The following RBMS3 variants were observed in gnomAD, a reference collection of about 807,000 sequenced individuals.
RBMS3 encodes RNA-binding motif, single-stranded-interacting protein 3.
A neutral mutation model predicts 66.8 loss-of-function variants in RBMS3; 27 were observed. The observed-to-expected ratio is 0.40, with a 90% confidence interval of 0.30 to 0.56. RBMS3 has a LOEUF of 0.56. RBMS3 is among the 20% of genes least tolerant of loss of function. The probability of loss-of-function intolerance (pLI) is 0.40; values close to 1 mark genes in which losing one functional copy is unlikely to be tolerated. For synonymous variants in RBMS3, 188 were observed against 183.0 expected, an observed-to-expected ratio of 1.03 and a Z score of -0.22; for missense variants, 513 against 549.5, an observed-to-expected ratio of 0.93 and a Z score of 0.66.
Position 29,689,312 on chromosome 3 carries a change from A to G in RBMS3, c.400-50408A>G, listed in dbSNP as rs1395963079. Among the ~76,000 whole-genome samples, 8 of 152,126 alleles carry G rather than the reference A, an allele frequency of 5.3e-5. No individual in the cohort carries two copies. The East Asian group carries it at 1.3e-3, about 26-fold the overall frequency. On this transcript the variant is annotated intron_variant, in intron 4 of 14. Coordinates refer to ENST00000383767, the MANE Select transcript of RBMS3 (RefSeq NM_001003793.3). ...CTACATCTTTTTTCTGTCATTAATT[A>G]TGTGCTCCCCATACCCATAAAGAAT...
intron 4 of RBMS3, chr3:29,731,152 C>A (rs1219998834): frequency 1.1e-5 from 5 of 473,312 alleles, no homozygotes; most frequent in Admixed American, 1.3e-4. Context: ...TGGTTCAACA[C>A]TGGGCATTGT....
At chr3:29,776,183 T>A (rs1180395086) in intron 6 of RBMS3, among the ~76,000 whole-genome samples, 2 of 152,152 alleles carry the variant, frequency 1.3e-5, no homozygotes, top group Non-Finnish European at 2.9e-5. Context: ...GCTTATGATA[T>A]GCTTTCTATG....
In RBMS3 at chr3:29,420,947, G is replaced by GCAAAAAA. The variant is rs777463375; in HGVS notation, c.76-13796_76-13795insCAAAAAA. On this transcript the variant is annotated intron_variant, in intron 1 of 14. Coordinates refer to ENST00000383767, the MANE Select transcript of RBMS3 (RefSeq NM_001003793.3). The stretch of plus-strand genomic sequence containing the variant: ...GTGAAACCCCGTCTCTACTAAAAAT[G>GCAAAAAA]AAAAAAAAAAAAAAAATTAACTGGG... Among the ~76,000 whole-genome samples, 84 of 125,476 alleles carry GCAAAAAA rather than the reference G, an allele frequency of 6.7e-4. 1 individual carries two copies. Among genetic ancestry groups the GCAAAAAA allele is most frequent in the African/African-American group, 2.2e-3 (83 of 37,552 alleles). The allele number at this position is 125,476 out of a possible 152,430, so 82.3% of individuals were successfully genotyped here.
chr3:29,431,521 G>A (rs1337418275), intron 1 of RBMS3, among the ~76,000 whole-genome samples: 1 of 151,784 alleles, frequency 6.6e-6, no homozygotes, highest in Non-Finnish European at 1.5e-5. Context: ...TTGATCTCCC[G>A]ACCTTGTGAT....
intron 8 of RBMS3, among the ~76,000 whole-genome samples, chr3:29,895,924 A>G (rs1449661454): frequency 6.6e-6 from 1 of 151,040 alleles, no homozygotes; most frequent in Non-Finnish European, 1.5e-5. Context: ...ACAACTTTGT[A>G]TTTTCTCTTT....
intron 1 of RBMS3, among the ~76,000 whole-genome samples, chr3:29,329,795 T>A (rs919377424): frequency 2.0e-5 from 3 of 148,840 alleles, no homozygotes; most frequent in Non-Finnish European, 4.5e-5. Context: ...ATGTGAAAAA[T>A]TTTTATAGAT....
rs779035494 is a variant in RBMS3, at chr3:29,488,468, A to G, written c.276A>G (p.Ala92=). Residue 92 remains alanine, a synonymous_variant, in exon 3 of 15, where the codon GCA becomes GCG. Coordinates refer to ENST00000383767, the MANE Select transcript of RBMS3 (RefSeq NM_001003793.3). The part of the protein sequence containing the change: ...QPYGKIVSTK[A]ILDKNTNQCK... ...ATGGAAAAATTGTATCTACAAAGGC[A>G]ATTCTTGACAAAAACACAAATCAGT... 35 of 1,611,860 alleles carry G rather than the reference A, an allele frequency of 2.2e-5. No individual in the cohort carries two copies. Among genetic ancestry groups the G allele is most frequent in the Admixed American group, 1.2e-4 (7 of 59,980 alleles).
intron 1 of RBMS3, among the ~76,000 whole-genome samples, chr3:29,360,473 G>A (rs1312589447): frequency 6.6e-6 from 1 of 151,896 alleles, no homozygotes; most frequent in Admixed American, 6.6e-5. Flanking sequence ...CCAACTATGT[G>A]GTCAATTTTG....
chr3:29,725,396 A>G (rs2053820797), intron 4 of RBMS3, among the ~76,000 whole-genome samples: 1 of 152,228 alleles, frequency 6.6e-6, no homozygotes, highest in African/African-American at 2.4e-5. Flanking sequence ...TAGAGACATG[A>G]AAAATGTTTC....
intron 4 of RBMS3, among the ~76,000 whole-genome samples, chr3:29,677,358 C>T (rs1017341589): frequency 2.6e-5 from 4 of 152,066 alleles, no homozygotes; most frequent in African/African-American, 7.2e-5. Flanking sequence ...AAGCTAGATG[C>T]CTTAATAATT....
At chr3:29,659,216 T>C (rs1188967954) in intron 4 of RBMS3, among the ~76,000 whole-genome samples, 2 of 152,230 alleles carry the variant, frequency 1.3e-5, no homozygotes, top group South Asian at 2.1e-4. Context: ...ATTTTTTATA[T>C]TGGTAAAATA....
intron 7 of RBMS3, 67 bp from the exon 8 acceptor site, chr3:29,884,095 T>C (rs1351596954): frequency 3.0e-6 from 4 of 1,347,148 alleles, no homozygotes; most frequent in Non-Finnish European, 4.2e-6. Context: ...TTGTGTGTAC[T>C]AAATGTTTTG....
chr3:29,573,808 A>G (rs2047019333), intron 3 of RBMS3, among the ~76,000 whole-genome samples: 1 of 152,146 alleles, frequency 6.6e-6, no homozygotes, highest in Non-Finnish European at 1.5e-5. Context: ...TCTTCTTAAC[A>G]TCTTTATTGA....
intron 4 of RBMS3, among the ~76,000 whole-genome samples, chr3:29,703,956 G>C (rs1287745566): frequency 1.3e-5 from 2 of 152,132 alleles, no homozygotes; most frequent in Non-Finnish European, 2.9e-5. Context: ...TCTCATAGGA[G>C]CATGAACCCT....
intron 12 of RBMS3, among the ~76,000 whole-genome samples, chr3:29,980,589 C>G (rs571167400): frequency 6.6e-6 from 1 of 152,166 alleles, no homozygotes; most frequent in East Asian, 1.9e-4. Flanking sequence ...GTCTTTAATC[C>G]ATCTTGAGTT....
chr3:29,507,698 TA>T (rs2044238058), intron 3 of RBMS3, among the ~76,000 whole-genome samples: 1 of 152,092 alleles, frequency 6.6e-6, no homozygotes, highest in Non-Finnish European at 1.5e-5. Flanking sequence ...TATGAGCTAA[TA>T]AATATTTCTG....
intron 4 of RBMS3, among the ~76,000 whole-genome samples, chr3:29,716,339 C>T (rs918731943): frequency 6.6e-6 from 1 of 152,116 alleles, no homozygotes; most frequent in African/African-American, 2.4e-5. Context: ...AGGACACTTA[C>T]ATAGCATTCT....
At chr3:29,729,704 A>G (rs1033665562) in intron 4 of RBMS3, among the ~76,000 whole-genome samples, 2 of 152,134 alleles carry the variant, frequency 1.3e-5, no homozygotes, top group African/African-American at 4.8e-5. Flanking sequence ...ATGGTATCTC[A>G]TTGTGGTTTT....
At chr3:29,714,062 C>CAAAAG (rs1430156586) in intron 4 of RBMS3, among the ~76,000 whole-genome samples, 2 of 149,976 alleles carry the variant, frequency 1.3e-5, no homozygotes, top group East Asian at 3.9e-4. Context: ...CTCAAAAAAA[C>CAAAAG]AAAAGAAAAG....
Sources: allele counts gnomAD v4.1 joint callset (sites outside exome capture counted in the v4.1 genomes callset), GRCh38; gene constraint gnomAD v4.1.1; transcripts MANE v1.5; gene names NCBI Gene and HGNC (gene_info 2026-07-23, HGNC 2026-07-21).